MYBL2: variants seen among roughly 807,000 people sequenced by gnomAD.
MYBL2 encodes MYB proto-oncogene like 2.
MYBL2 carries 28 observed loss-of-function variants against 79.9 expected under a neutral mutation model. That is an observed-to-expected ratio of 0.35 (90% CI 0.26 to 0.48). The LOEUF is 0.48. Among genes scored for constraint, MYBL2 ranks in the 20% least tolerant of loss-of-function variants. The probability of loss-of-function intolerance (pLI) is 0.99; values close to 1 mark genes in which losing one functional copy is unlikely to be tolerated. For synonymous variants in MYBL2, 378 were observed against 361.2 expected, an observed-to-expected ratio of 1.05 and a Z score of -0.53; for missense variants, 735 against 893.9, an observed-to-expected ratio of 0.82 and a Z score of 2.27.
intron 4 of MYBL2, among the ~76,000 whole-genome samples, chr20:43,684,510 C>T (rs976003909): frequency 2.0e-5 from 3 of 150,740 alleles, no homozygotes; most frequent in African/African-American, 7.3e-5. Context: ...GCTGGGATTA[C>T]AAGCGTGAGC....
chr20:43,703,717 CT>C (rs1405386700), intron 8 of MYBL2, among the ~76,000 whole-genome samples: 1 of 152,070 alleles, frequency 6.6e-6, no homozygotes, highest in Non-Finnish European at 1.5e-5. Flanking sequence ...CTGAGGTGGC[CT>C]GGTGCAGGAG....
chr20:43,687,945 G>C (rs1395912836), intron 5 of MYBL2, among the ~76,000 whole-genome samples: 1 of 149,168 alleles, frequency 6.7e-6, no homozygotes. Flanking sequence ...CCAGGAGGCA[G>C]AGGTTGCAGT....
rs1039414531 is a variant in MYBL2 at position 43,711,553 on chromosome 20, C to T, written c.1671C>T (p.Leu557=). 7 of 1,613,688 alleles carry T rather than the reference C, an allele frequency of 4.3e-6. No homozygotes were observed. The African/African-American group carries it at 5.3e-5, about 12-fold the overall frequency. The change falls in exon 11 of 14, where the codon CTC becomes CTT. Residue 557 remains leucine (L), a synonymous_variant. Transcript: ENST00000217026. The part of the protein sequence containing the change: ...EVLRSEAGIE[L]IIEDDIRPEK... ...TGCGTTCTGAGGCTGGCATCGAACT[C>T]ATCATCGAGGACGACATCAGGCCCG...
At chr20:43,701,963 C>T (rs367681699) in intron 7 of MYBL2, among the ~76,000 whole-genome samples, 66 of 152,212 alleles carry the variant, frequency 4.3e-4, no homozygotes, top group African/African-American at 1.4e-3. Context: ...GTCAGGAGTT[C>T]GAGACCAGCC....
At chr20:43,701,723 T>C (rs1987677973) in intron 7 of MYBL2, among the ~76,000 whole-genome samples, 1 of 152,238 alleles carries the variant, frequency 6.6e-6, no homozygotes, top group African/African-American at 2.4e-5. Flanking sequence ...TATTTCGTTC[T>C]ATAAAAATAT....
rs199537584 is a variant in MYBL2 at position 43,707,195 on chromosome 20, TAAA to T, written c.1505+1845_1505+1847del. On this transcript the variant is annotated intron_variant, in intron 9 of 13. Coordinates refer to ENST00000217026, the MANE Select transcript of MYBL2 (RefSeq NM_002466.4). ...CTCTCTTTCTAGTTTTTTTTTTTTT[TAAA>T]AAAAAAAGAGAAAAAAGAAATCAGT... Among the ~76,000 whole-genome samples, 11 of 133,468 alleles carry T rather than the reference TAAA, an allele frequency of 8.2e-5. 1 individual carries two copies. Among genetic ancestry groups the T allele is most frequent in the African/African-American group, 2.6e-4 (10 of 38,862 alleles). 87.6% of individuals were successfully genotyped at this position (133,468 alleles called of 152,430 possible).
intron 6 of MYBL2, among the ~76,000 whole-genome samples, chr20:43,697,679 G>A (rs960311394): frequency 1.4e-4 from 22 of 151,908 alleles, no homozygotes; most frequent in African/African-American, 3.6e-4. Flanking sequence ...TGAGGCAGGC[G>A]GATCACGAGG....
At chr20:43,693,128 G>T in intron 6 of MYBL2, among the ~76,000 whole-genome samples, 1 of 152,046 alleles carries the variant, frequency 6.6e-6, no homozygotes, top group East Asian at 1.9e-4. Flanking sequence ...TGCCTCCTGG[G>T]ATCAAGCGAT....
intron 5 of MYBL2, 47 bp from the exon 6 acceptor site, chr20:43,692,110 C>G (rs895117966): frequency 1.9e-6 from 3 of 1,592,598 alleles, no homozygotes; most frequent in Non-Finnish European, 2.6e-6. Context: ...CTGATGGCAC[C>G]CCACCCACAG....
intron 10 of MYBL2, 42 bp downstream of exon 10, chr20:43,710,104 A>G: frequency 6.7e-7 from 1 of 1,493,910 alleles, no homozygotes; most frequent in South Asian, 1.3e-5. Flanking sequence ...GCACAGTGGG[A>G]TCCCTTCGGT....
chr20:43,682,260 A>G (rs1168799820), intron 3 of MYBL2, among the ~76,000 whole-genome samples: 2 of 151,954 alleles, frequency 1.3e-5, no homozygotes, highest in Non-Finnish European at 2.9e-5. Context: ...ACATTCGAGT[A>G]TTTAGAGCCT....
intron 5 of MYBL2, among the ~76,000 whole-genome samples, chr20:43,691,627 C>A (rs2145721139): frequency 6.6e-6 from 1 of 151,690 alleles, no homozygotes; most frequent in East Asian, 1.9e-4. Context: ...ACAACCTCTA[C>A]CTCCTGGGTT....
intron 13 of MYBL2, 44 bp from the exon 14 acceptor site, chr20:43,715,915 C>T (rs754176716): frequency 8.9e-6 from 14 of 1,578,220 alleles, no homozygotes; most frequent in African/African-American, 4.1e-5. Flanking sequence ...CTGTTGGGAA[C>T]ACATAGTCCC....
chr20:43,699,943 C>T lies in MYBL2; in HGVS notation c.850C>T (p.Pro284Ser). 6.2e-7 allele frequency: 1 copy of T among 1,614,126 alleles called. No homozygotes were observed. Among genetic ancestry groups the T allele is most frequent in the Non-Finnish European group, 8.5e-7 (1 of 1,180,018 alleles). The change falls in exon 7 of 14, where the codon CCA becomes TCA. Residue 284 changes from proline to serine, a missense_variant. Pro to Ser is a moderately conservative substitution (Grantham distance 74, BLOSUM62 -1). Coordinates refer to ENST00000217026, the MANE Select transcript of MYBL2 (RefSeq NM_002466.4). ...PKREDQEGSP[P>S]ETSLPYKWVV... is the part of the protein sequence containing the mutation. ...GCGTGAGGACCAGGAAGGCTCCCCA[C>T]CAGAAACGAGCCTGCCTTACAAGTG... is the stretch of plus-strand genomic sequence containing the variant.
Position 43,672,355 on chromosome 20 carries a change from C to G in MYBL2, c.21-1451C>G, listed in dbSNP as rs888842422. Reference sequence around the variant, plus strand: ...CTGTAATCCAAGTTACTTTGGAAGGCTGAGGCAGGAGGATCCCTTGAGCCC... The same window carrying G: ...CTGTAATCCAAGTTACTTTGGAAGGGTGAGGCAGGAGGATCCCTTGAGCCC... On this transcript the variant is annotated intron_variant, in intron 1 of 13. Transcript: ENST00000217026. Among the ~76,000 whole-genome samples the G allele has an allele frequency of 2.9e-4, 4 of 13,874 alleles. No homozygotes were observed. The South Asian group carries it at 8.8e-3, about 30-fold the overall frequency. The allele number at this position is 13,874 out of a possible 152,430, so 9.1% of individuals were successfully genotyped here.
chr20:43,704,138 T>C (rs187437051), intron 8 of MYBL2, among the ~76,000 whole-genome samples: 19 of 152,158 alleles, frequency 1.2e-4, no homozygotes, highest in Non-Finnish European at 2.5e-4. Flanking sequence ...CTCAGGCTCC[T>C]GAGCAGCTGA....
chr20:43,706,267 C>T (rs543476835), intron 9 of MYBL2, among the ~76,000 whole-genome samples: 1 of 152,344 alleles, frequency 6.6e-6, no homozygotes, highest in East Asian at 1.9e-4. Flanking sequence ...GCCCATCCCT[C>T]TATCAAGAGT....
In MYBL2 at chr20:43,709,483, C is replaced by G. The variant is rs564376465; in HGVS notation, c.1506-480C>G. Among the ~76,000 whole-genome samples, 15 of 152,312 alleles carry G rather than the reference C, an allele frequency of 9.8e-5. No homozygotes were observed. In the South Asian group the frequency reaches 3.1e-3, roughly 32 times the overall value. On this transcript the variant is annotated intron_variant, in intron 9 of 13. Transcript: ENST00000217026. ...TTTTTCTCTGTTCTGCTGAAGGGTT[C>G]CCTCCACGTGTCCATCACCTCGGTG...
At position 43,702,923 on chromosome 20, in the gene MYBL2, G is replaced by A; in HGVS notation, c.1365+20G>A. On this transcript the variant is annotated intron_variant, in intron 8 of 13. Transcript: ENST00000217026. ...TCCCAGGTGCGTGGACCCCACTCTG[G>A]CTGCTTATTGGGTCGGTACAGACAC... The A allele has an allele frequency of 6.4e-7, 1 of 1,569,522 alleles. No individual in the cohort carries two copies. The highest frequency in any genetic ancestry group is 8.7e-7 in the Non-Finnish European group (1 of 1,151,058).
Sources: allele counts gnomAD v4.1 joint callset (sites outside exome capture counted in the v4.1 genomes callset), GRCh38; gene constraint gnomAD v4.1.1; transcripts MANE v1.5; gene names NCBI Gene and HGNC (gene_info 2026-07-23, HGNC 2026-07-21).